FIGN: variants seen among roughly 807,000 people sequenced by gnomAD.
The protein encoded by FIGN is fidgetin, microtubule severing factor.
In FIGN, 11 loss-of-function variants were observed where a neutral mutation model predicts 51.3. The observed-to-expected ratio is 0.21, with a 90% CI of 0.13 to 0.35. The LOEUF (loss-of-function observed/expected upper bound fraction) is 0.35, where lower values mean the gene tolerates loss of function less well. FIGN is among the 10% of genes least tolerant of loss of function. The pLI, the probability that FIGN is intolerant of heterozygous loss-of-function variation, is 1.00. For synonymous variants in FIGN, 407 were observed against 363.2 expected (o/e 1.12, Z -1.37); for missense variants, 857 against 943.6 (o/e 0.91, Z 1.20).
chr2:163,609,837 C>A lies in FIGN; in HGVS notation c.1995G>T (p.Leu665=). ...STARHQIIVQ[L]LSQHNYCLND... is the part of the protein sequence containing the mutation. ...TGAGACAGTAATTGTGCTGTGAGAG[C>A]AGTTGTACTATTATCTGGTGCCTCG... The change falls in exon 3 of 3, where the codon CTG becomes CTT. Residue 665 remains leucine (L), a synonymous_variant. Coordinates refer to ENST00000333129, the MANE Select transcript of FIGN (RefSeq NM_018086.4). The A allele has an allele frequency of 1.2e-6, 2 of 1,614,162 alleles. No homozygotes were observed. Among genetic ancestry groups the A allele is most frequent in the Admixed American group, 3.3e-5 (2 of 60,024 alleles).
intron 2 of FIGN, among the ~76,000 whole-genome samples, chr2:163,657,766 C>A (rs1223763568): frequency 6.6e-6 from 1 of 152,022 alleles, no homozygotes; most frequent in East Asian, 1.9e-4. Context: ...ATTCATACTT[C>A]AATAAAAAGA....
intron 2 of FIGN, among the ~76,000 whole-genome samples, chr2:163,726,416 G>A (rs997448322): frequency 1.3e-5 from 2 of 152,176 alleles, no homozygotes; most frequent in Middle Eastern, 3.4e-3. Context: ...CAGAAAGTCA[G>A]TTTTAATATA....
chr2:163,627,122 G>C (rs903543220), intron 2 of FIGN, among the ~76,000 whole-genome samples: 1 of 152,040 alleles, frequency 6.6e-6, no homozygotes, highest in Non-Finnish European at 1.5e-5. Flanking sequence ...TGTGCCTTTG[G>C]AGTAGCCATT....
At chr2:163,658,756 A>C (rs1473395461) in intron 2 of FIGN, among the ~76,000 whole-genome samples, 1 of 152,186 alleles carries the variant, frequency 6.6e-6, no homozygotes, top group East Asian at 1.9e-4. Context: ...AACACCTTTC[A>C]CTAGGATTTA....
rs573894189 is a variant in FIGN at position 163,675,780 on chromosome 2, T to C, written c.25+59123A>G. On this transcript the variant is annotated intron_variant, in intron 2 of 2. Transcript: ENST00000333129. ...TCAATTGTATGGAAACACTGCACTT[T>C]TATGTGGGAGGACAGAAGATGAGTA... 6.1e-5 allele frequency among the ~76,000 whole-genome samples: 9 copies of C among 147,154 alleles called. No homozygotes were observed. The South Asian group carries it at 1.9e-3, about 31-fold the overall frequency.
At chr2:163,635,922 A>G (rs952464368) in intron 2 of FIGN, among the ~76,000 whole-genome samples, 4 of 152,256 alleles carry the variant, frequency 2.6e-5, no homozygotes, top group Admixed American at 1.3e-4. Context: ...GGATTAAAAA[A>G]AAGATAGATA....
Position 163,620,851 on chromosome 2 carries a change from TTGTGTGTG to T in FIGN, c.26-9053_26-9046del, listed in dbSNP as rs71015594. Among the ~76,000 whole-genome samples the T allele has an allele frequency of 1.3e-3, 189 of 147,592 alleles. 1 individual carries two copies. The highest frequency in any genetic ancestry group is 2.7e-3 in the Admixed American group (39 of 14,596). ...TGCACATATAACTCTGTGTAAATAT[TTGTGTGTG>T]TGTGTGTGTGTGTGTGTGTGTTCCA... is the stretch of plus-strand genomic sequence containing the variant. On this transcript the variant is annotated intron_variant, in intron 2 of 2. Transcript: ENST00000333129.
At chr2:163,655,145 G>A (rs552640612) in intron 2 of FIGN, among the ~76,000 whole-genome samples, 20 of 151,844 alleles carry the variant, frequency 1.3e-4, no homozygotes, top group Non-Finnish European at 2.4e-4. Flanking sequence ...AATAAATACA[G>A]TATTTCGGGC....
At chr2:163,694,110 C>T (rs1282651501) in intron 2 of FIGN, among the ~76,000 whole-genome samples, 2 of 152,090 alleles carry the variant, frequency 1.3e-5, no homozygotes, top group African/African-American at 4.8e-5. Context: ...TTCTGTAGGT[C>T]TAGGTTTGGT....
At chr2:163,666,926 G>A (rs1048125445) in intron 2 of FIGN, among the ~76,000 whole-genome samples, 12 of 151,360 alleles carry the variant, frequency 7.9e-5, no homozygotes, top group African/African-American at 2.9e-4. Flanking sequence ...TGAGACTCAT[G>A]CACAATGGCT....
chr2:163,626,799 C>G (rs1035076448), intron 2 of FIGN, among the ~76,000 whole-genome samples: 1 of 152,012 alleles, frequency 6.6e-6, no homozygotes, highest in African/African-American at 2.4e-5. Context: ...AAACAGGTTG[C>G]GGTAAAGAAG....
At position 163,708,056 on chromosome 2, in the gene FIGN, T is replaced by C. The variant is rs62169943; in HGVS notation, c.25+26847A>G. ...TTTCTGTGAAGAGATAATTTCATCA[T>C]TGGGAATTCTCAAAAAAAATTAATT... On this transcript the variant is annotated intron_variant, in intron 2 of 2. Transcript: ENST00000333129. Among the ~76,000 whole-genome samples, 1,387 of 152,266 alleles carry C rather than the reference T, an allele frequency of 9.1e-3. 8 individuals are homozygous for C. The highest frequency in any genetic ancestry group is 0.015 in the Non-Finnish European group (1,012 of 68,020).
intron 2 of FIGN, among the ~76,000 whole-genome samples, chr2:163,673,044 G>A (rs924754422): frequency 3.9e-5 from 6 of 152,104 alleles, no homozygotes; most frequent in Admixed American, 2.0e-4. Flanking sequence ...ATCAGAAAAT[G>A]TAAGTATGTG....
intron 2 of FIGN, among the ~76,000 whole-genome samples, chr2:163,693,174 C>A (rs1441577599): frequency 6.6e-6 from 1 of 152,166 alleles, no homozygotes; most frequent in Non-Finnish European, 1.5e-5. Flanking sequence ...TTGCCTCAAC[C>A]TCTAAGCAGA....
chr2:163,668,014 A>AACCCC (rs1491089658), intron 2 of FIGN, among the ~76,000 whole-genome samples: 42 of 106,836 alleles, frequency 3.9e-4, no homozygotes, highest in East Asian at 7.7e-4. Context: ...CCTACCTCCA[A>AACCCC]CCCCCCCCCC....
chr2:163,702,762 T>C (rs1684429207), intron 2 of FIGN, among the ~76,000 whole-genome samples: 1 of 152,184 alleles, frequency 6.6e-6, no homozygotes, highest in East Asian at 1.9e-4. Context: ...ACATTTTAAA[T>C]CAATCCATCT....
chr2:163,712,097 C>T (rs1684596452), intron 2 of FIGN, among the ~76,000 whole-genome samples: 1 of 152,036 alleles, frequency 6.6e-6, no homozygotes, highest in South Asian at 2.1e-4. Flanking sequence ...CTACAAAGTA[C>T]AAAAGATGAA....
chr2:163,659,562 A>G (rs1176849057), intron 2 of FIGN, among the ~76,000 whole-genome samples: 2 of 152,208 alleles, frequency 1.3e-5, no homozygotes, highest in Admixed American at 1.3e-4. Flanking sequence ...GTCCCATCAA[A>G]TGAAACACCA....
intron 2 of FIGN, among the ~76,000 whole-genome samples, chr2:163,619,796 C>A (rs759862159): frequency 8.5e-5 from 13 of 152,098 alleles, no homozygotes; most frequent in Non-Finnish European, 1.2e-4. Flanking sequence ...ATAATTCAAA[C>A]AAGTAATTTT....
Sources: allele counts gnomAD v4.1 joint callset (sites outside exome capture counted in the v4.1 genomes callset), GRCh38; gene constraint gnomAD v4.1.1; transcripts MANE v1.5; gene names NCBI Gene and HGNC (gene_info 2026-07-23, HGNC 2026-07-21).